AP3B1: variants seen among roughly 807,000 people sequenced by gnomAD.
AP3B1 encodes the protein AP-3 complex subunit beta-1.
AP3B1 carries 61 observed loss-of-function variants against 132.5 expected under a neutral mutation model. The observed-to-expected ratio is 0.46, with a 90% CI of 0.37 to 0.57. The LOEUF (loss-of-function observed/expected upper bound fraction) is 0.57. Among genes scored for constraint, AP3B1 ranks in the 20% least tolerant of loss-of-function variants. The probability of loss-of-function intolerance (pLI) is 0.00; values close to 1 mark genes in which losing one functional copy is unlikely to be tolerated. For missense variants in AP3B1, 1,120 were observed against 1,289.4 expected (o/e 0.87, Z 2.01); for synonymous variants, 388 against 438.3 (o/e 0.89, Z 1.43).
chr5:78,226,627 C>T (rs575374022), intron 5 of AP3B1, among the ~76,000 whole-genome samples: 1 of 152,048 alleles, frequency 6.6e-6, no homozygotes, highest in South Asian at 2.1e-4. Flanking sequence ...ATATGCTATT[C>T]ATAATTAAGT....
intron 1 of AP3B1, among the ~76,000 whole-genome samples, chr5:78,291,207 T>C (rs568399695): frequency 6.6e-6 from 1 of 151,846 alleles, no homozygotes; most frequent in East Asian, 1.9e-4. Flanking sequence ...ATCATTGAGA[T>C]GGTTAGTGAA....
Position 78,123,668 on chromosome 5 carries a change from G to C in AP3B1, c.1968+4362C>G, listed in dbSNP as rs1238554636. 2.6e-5 allele frequency among the ~76,000 whole-genome samples: 4 copies of C among 152,082 alleles called. No homozygotes were observed. In the East Asian group the frequency reaches 7.7e-4, roughly 29 times the overall value. On this transcript the variant is annotated intron_variant, in intron 17 of 26. Transcript: ENST00000255194. ...ATGAGATACCATCTCACACCAGTTA[G>C]AATGGCAATCATTAAAAAGTCAGGA...
intron 7 of AP3B1, among the ~76,000 whole-genome samples, chr5:78,188,818 G>C (rs1354110526): frequency 6.6e-6 from 1 of 152,044 alleles, no homozygotes; most frequent in African/African-American, 2.4e-5. Context: ...CAAAGACACA[G>C]AATCTACCCA....
chr5:78,028,938 T>A (rs576793322), intron 24 of AP3B1, among the ~76,000 whole-genome samples: 2 of 152,324 alleles, frequency 1.3e-5, no homozygotes, highest in South Asian at 4.1e-4. Flanking sequence ...GTCATCTTTC[T>A]CCTCTCTAAT....
intron 22 of AP3B1, among the ~76,000 whole-genome samples, chr5:78,051,174 T>C (rs1748566600): frequency 1.3e-5 from 2 of 152,190 alleles, no homozygotes; most frequent in Admixed American, 1.3e-4. Context: ...TGCACATAAC[T>C]GTCTACTTAG....
At chr5:78,115,992 T>G (rs1368504343) in intron 18 of AP3B1, 134 bp downstream of exon 18, 1 of 719,588 alleles carries the variant, frequency 1.4e-6, no homozygotes, top group Non-Finnish European at 2.5e-6. Context: ...GATATATAAA[T>G]GAAAGGGATT....
At chr5:78,106,363 T>A (rs1751335153) in intron 20 of AP3B1, among the ~76,000 whole-genome samples, 1 of 151,744 alleles carries the variant, frequency 6.6e-6, no homozygotes, top group Non-Finnish European at 1.5e-5. Context: ...GAGGCTGAGG[T>A]GGGAGGATCA....
intron 3 of AP3B1, among the ~76,000 whole-genome samples, chr5:78,232,332 A>G (rs1334517265): frequency 2.0e-5 from 3 of 152,350 alleles, no homozygotes; most frequent in African/African-American, 7.2e-5. Flanking sequence ...AGGCACCTGA[A>G]TGAACAAGTT....
chr5:78,255,150 C>T (rs1031457150), intron 2 of AP3B1, among the ~76,000 whole-genome samples: 6 of 151,214 alleles, frequency 4.0e-5, no homozygotes, highest in Non-Finnish European at 2.9e-5. Context: ...GAGAAAATCC[C>T]TTCACTAGAA....
intron 23 of AP3B1, among the ~76,000 whole-genome samples, chr5:78,037,541 T>C (rs1267565612): frequency 6.6e-6 from 1 of 152,212 alleles, no homozygotes; most frequent in African/African-American, 2.4e-5. Flanking sequence ...TATCAAAAAT[T>C]ATTTTATTCC....
At chr5:78,015,086 C>G (rs938289106) in intron 26 of AP3B1, among the ~76,000 whole-genome samples, 2 of 152,132 alleles carry the variant, frequency 1.3e-5, no homozygotes, top group Non-Finnish European at 2.9e-5. Flanking sequence ...TCCTGGACAT[C>G]TACTGAATCT....
At chr5:78,127,922 G>T in intron 17 of AP3B1, 108 bp downstream of exon 17, 1 of 1,310,348 alleles carries the variant, frequency 7.6e-7, no homozygotes. Context: ...AGAAATACTA[G>T]AACAATTTTC....
chr5:78,286,551 T>C (rs1749289910), intron 1 of AP3B1, among the ~76,000 whole-genome samples: 1 of 152,178 alleles, frequency 6.6e-6, no homozygotes, highest in Non-Finnish European at 1.5e-5. Context: ...TGCCTGTGAC[T>C]CAATCTTGGA....
At chr5:78,212,532 T>A (rs1745784816) in intron 7 of AP3B1, among the ~76,000 whole-genome samples, 1 of 152,298 alleles carries the variant, frequency 6.6e-6, no homozygotes, top group Admixed American at 6.5e-5. Context: ...TAATTCATCA[T>A]AAAATGGTGC....
At chr5:78,132,950 T>G (rs1752750706) in intron 15 of AP3B1, among the ~76,000 whole-genome samples, 1 of 152,212 alleles carries the variant, frequency 6.6e-6, no homozygotes. Flanking sequence ...AGACTTACAC[T>G]ATACAATAAA....
At chr5:78,087,798 G>A (rs983146889) in intron 22 of AP3B1, 1 of 612,110 alleles carries the variant, frequency 1.6e-6, no homozygotes, top group Non-Finnish European at 2.0e-6. Context: ...TATTAATAAA[G>A]TAGAAGAGTC....
chr5:78,132,258 G>C (rs1561429580), intron 15 of AP3B1, among the ~76,000 whole-genome samples: 1 of 152,082 alleles, frequency 6.6e-6, no homozygotes, highest in Non-Finnish European at 1.5e-5. Context: ...TAAGAACATT[G>C]ATTTTTACCA....
intron 2 of AP3B1, among the ~76,000 whole-genome samples, chr5:78,244,557 G>A (rs1170948676): frequency 6.6e-6 from 1 of 152,196 alleles, no homozygotes; most frequent in Non-Finnish European, 1.5e-5. Context: ...ATGCTGAGAA[G>A]CCAGCTGAAT....
At chr5:78,240,734 T>G in intron 3 of AP3B1, 128 bp downstream of exon 3, 1 of 689,350 alleles carries the variant, frequency 1.5e-6, no homozygotes, top group Non-Finnish European at 2.6e-6. Flanking sequence ...CATTTAAAAT[T>G]AAGGACATTT....
Sources: gnomAD v4.1 joint callset for allele counts (sites outside exome capture counted in the v4.1 genomes callset) on GRCh38, gnomAD v4.1.1 for gene constraint, MANE v1.5 for transcripts, NCBI Gene and HGNC (gene_info 2026-07-23, HGNC 2026-07-21) for gene names.